Variants in ESRRG observed in about 807,000 individuals in gnomAD.
ESRRG encodes estrogen related receptor gamma, also known as estrogen-related receptor gamma.
ESRRG carries 13 observed loss-of-function variants against 44.0 expected under a neutral mutation model. That is an observed-to-expected ratio of 0.30 (90% CI 0.19 to 0.47). ESRRG has a LOEUF of 0.47. Among genes scored for constraint, ESRRG ranks in the 20% least tolerant of loss-of-function variants. ESRRG has a pLI of 1.00. For missense variants in ESRRG, 395 were observed against 580.6 expected (o/e 0.68, Z 3.29); for synonymous variants, 215 against 214.6 (o/e 1.00, Z -0.02).
intron 6 of ESRRG, among the ~76,000 whole-genome samples, chr1:216,513,863 A>G (rs1025376504): frequency 6.6e-6 from 1 of 152,190 alleles, no homozygotes; most frequent in African/African-American, 2.4e-5. Context: ...GAATGTTGAT[A>G]TCAATTTGGG....
At chr1:216,536,649 A>G (rs183710105) in intron 5 of ESRRG, among the ~76,000 whole-genome samples, 494 of 152,028 alleles carry the variant, frequency 3.2e-3, no homozygotes, top group Middle Eastern at 6.8e-3. Context: ...TCAGGGCCCA[A>G]TTTACTTTTC....
At chr1:216,827,654 T>A (rs1323041669) in intron 2 of ESRRG, among the ~76,000 whole-genome samples, 1 of 152,236 alleles carries the variant, frequency 6.6e-6, no homozygotes, top group African/African-American at 2.4e-5. Context: ...ATACGTATTC[T>A]ATCTCACGAA....
chr1:217,069,292 CT>C (rs1485162895), intron 1 of ESRRG, among the ~76,000 whole-genome samples: 2 of 152,154 alleles, frequency 1.3e-5, no homozygotes, highest in Non-Finnish European at 2.9e-5. Context: ...GGGACTGGAA[CT>C]GGCTATCCTT....
chr1:217,060,121 A>G (rs1372947837), intron 1 of ESRRG, among the ~76,000 whole-genome samples: 1 of 152,020 alleles, frequency 6.6e-6, no homozygotes, highest in Non-Finnish European at 1.5e-5. Context: ...ATATGCATAT[A>G]TATGTATATA....
intron 2 of ESRRG, among the ~76,000 whole-genome samples, chr1:216,751,426 G>A (rs1476466409): frequency 6.6e-6 from 1 of 152,112 alleles, no homozygotes; most frequent in Non-Finnish European, 1.5e-5. Context: ...GGAAATTAGA[G>A]AAATTCCTCC....
intron 1 of ESRRG, among the ~76,000 whole-genome samples, chr1:217,077,710 T>C (rs773254473): frequency 6.6e-6 from 1 of 152,352 alleles, no homozygotes; most frequent in East Asian, 1.9e-4. Context: ...AAATTAAAAC[T>C]GCAAACTAAT....
At chr1:216,695,625 C>T (rs1463171295) in intron 1 of ESRRG, among the ~76,000 whole-genome samples, 2 of 152,096 alleles carry the variant, frequency 1.3e-5, no homozygotes, top group Admixed American at 6.6e-5. Context: ...ACTTAAGAGA[C>T]GTTTGTTGAA....
intron 3 of ESRRG, among the ~76,000 whole-genome samples, chr1:216,589,148 A>G (rs568073888): frequency 6.6e-6 from 1 of 152,344 alleles, no homozygotes; most frequent in South Asian, 2.1e-4. Context: ...CACGGACCTC[A>G]AAACTGAAAT....
chr1:217,048,280 G>A (rs1168217959), intron 1 of ESRRG, among the ~76,000 whole-genome samples: 3 of 152,156 alleles, frequency 2.0e-5, no homozygotes, highest in African/African-American at 7.2e-5. Context: ...GGGCTGGGAG[G>A]TGGAGAGTAG....
intron 2 of ESRRG, among the ~76,000 whole-genome samples, chr1:216,829,530 C>G (rs2095451502): frequency 6.7e-6 from 1 of 150,144 alleles, no homozygotes; most frequent in Admixed American, 6.7e-5. Context: ...CCCAGACCTG[C>G]CTCACTCCAA....
rs559067991 is a variant in ESRRG at position 216,729,380 on chromosome 1, C to A, written c.-13-51889G>T. On this transcript the variant is annotated intron_variant, in intron 2 of 7. Transcript: ENST00000359162. Reference sequence around the variant, plus strand: ...AATGTTAGCTATATTATTTTTAAATCTTTAAAAATTATTTTACAAAATTTT... The same window carrying A: ...AATGTTAGCTATATTATTTTTAAATATTTAAAAATTATTTTACAAAATTTT... Among the ~76,000 whole-genome samples the A allele has an allele frequency of 5.9e-5, 9 of 152,234 alleles. No homozygotes were observed. The South Asian group carries it at 1.7e-3, about 28-fold the overall frequency.
At chr1:217,115,105 T>G (rs1426828325) in intron 1 of ESRRG, among the ~76,000 whole-genome samples, 1 of 152,184 alleles carries the variant, frequency 6.6e-6, no homozygotes, top group Non-Finnish European at 1.5e-5. Context: ...CTTTAAAAAT[T>G]CCTTCTCTCA....
At chr1:216,857,534 A>G (rs1288327488) in intron 2 of ESRRG, among the ~76,000 whole-genome samples, 1 of 152,058 alleles carries the variant, frequency 6.6e-6, no homozygotes, top group African/African-American at 2.4e-5. Context: ...ACATACTATC[A>G]TATTTAAAAA....
At chr1:217,080,836 A>G (rs2091700655) in intron 1 of ESRRG, among the ~76,000 whole-genome samples, 1 of 151,144 alleles carries the variant, frequency 6.6e-6, no homozygotes, top group Admixed American at 6.6e-5. Context: ...CGCCATCATG[A>G]CCAGTTAATT....
At chr1:216,649,787 T>C (rs1678337450) in intron 3 of ESRRG, among the ~76,000 whole-genome samples, 1 of 152,136 alleles carries the variant, frequency 6.6e-6, no homozygotes, top group Non-Finnish European at 1.5e-5. Flanking sequence ...CCAAACATAA[T>C]CTGATCCACT....
chr1:216,765,403 C>A (rs1488646582), intron 2 of ESRRG, among the ~76,000 whole-genome samples: 1 of 152,214 alleles, frequency 6.6e-6, no homozygotes, highest in East Asian at 1.9e-4. Flanking sequence ...CCTGATAAGG[C>A]AGCCCTGTGA....
At chr1:216,568,708 C>T (rs2060130474) in intron 3 of ESRRG, among the ~76,000 whole-genome samples, 1 of 152,140 alleles carries the variant, frequency 6.6e-6, no homozygotes, top group Non-Finnish European at 1.5e-5. Context: ...TGTATTTCCT[C>T]TCATATGTGA....
chr1:216,961,424 G>A (rs1190515546), intron 1 of ESRRG, among the ~76,000 whole-genome samples: 2 of 151,966 alleles, frequency 1.3e-5, no homozygotes, highest in Non-Finnish European at 2.9e-5. Flanking sequence ...TTTATCAAAG[G>A]ATACCATAAA....
At chr1:217,012,345 T>C (rs959922152) in intron 1 of ESRRG, among the ~76,000 whole-genome samples, 10 of 152,026 alleles carry the variant, frequency 6.6e-5, no homozygotes, top group Non-Finnish European at 1.3e-4. Context: ...ATATAAATAA[T>C]AAAAATGATA....
Sources: gnomAD v4.1 joint callset for allele counts (sites outside exome capture counted in the v4.1 genomes callset) on GRCh38, gnomAD v4.1.1 for gene constraint, MANE v1.5 for transcripts, NCBI Gene and HGNC (gene_info 2026-07-23, HGNC 2026-07-21) for gene names.